CA8: variants seen among roughly 807,000 people sequenced by gnomAD.
CA8 encodes the protein carbonic anhydrase-related protein.
CA8 carries 22 observed loss-of-function variants against 41.4 expected under a neutral mutation model. That is an observed-to-expected ratio of 0.53 (90% CI 0.38 to 0.76). The LOEUF (loss-of-function observed/expected upper bound fraction) is 0.76, where lower values mean the gene tolerates loss of function less well. Among genes scored for constraint, CA8 ranks in the 30% least tolerant of loss-of-function variants. The pLI is 0.00. For missense variants in CA8, 270 were observed against 352.8 expected, an observed-to-expected ratio of 0.77 and a Z score of 1.88; for synonymous variants, 121 against 130.6, an observed-to-expected ratio of 0.93 and a Z score of 0.50.
At chr8:60,233,236 G>A (rs1393311533) in intron 3 of CA8, among the ~76,000 whole-genome samples, 2 of 152,084 alleles carry the variant, frequency 1.3e-5, no homozygotes, top group African/African-American at 4.8e-5. Context: ...GCCTTACAAC[G>A]TCGCCTTATT....
chr8:60,226,868 C>A lies in CA8; in HGVS notation c.576+5G>T. ...ATTTCTATATTATTTTAAATAATGACTTACCTTATACTGAATATCTTGGAG... is the reference window on the plus strand; with the variant it reads ...ATTTCTATATTATTTTAAATAATGAATTACCTTATACTGAATATCTTGGAG... On this transcript the variant is annotated splice_donor_5th_base_variant and intron_variant, in intron 5 of 8. Coordinates refer to ENST00000317995, the MANE Select transcript of CA8 (RefSeq NM_004056.6). 6.5e-7 allele frequency: 1 copy of A among 1,545,570 alleles called. No homozygotes were observed.
Position 60,219,937 on chromosome 8 carries a change from A to AAAAAAAAAAC in CA8, c.738+2711_738+2712insGTTTTTTTTT, listed in dbSNP as rs1807180825. ...TTTCCTAAATCTTAACTTAAAAAAA[A>AAAAAAAAAAC]AAAAAAAAAAAAAAAACACTTGACT... On this transcript the variant is annotated intron_variant, in intron 7 of 8. Transcript: ENST00000317995. 2.9e-5 allele frequency among the ~76,000 whole-genome samples: 3 copies of AAAAAAAAAAC among 102,308 alleles called. No individual in the cohort carries two copies. In the South Asian group the frequency reaches 8.8e-4, roughly 30 times the overall value. 67.1% of individuals were successfully genotyped at this position (102,308 alleles called of 152,430 possible). A position where few individuals can be genotyped will look rare whatever the true frequency, so the allele number is the denominator to read the frequency against.
intron 3 of CA8, among the ~76,000 whole-genome samples, chr8:60,243,207 C>T (rs758138737): frequency 1.3e-5 from 2 of 152,150 alleles, no homozygotes; most frequent in Non-Finnish European, 2.9e-5. Flanking sequence ...GGTCACCTGC[C>T]TCCCAGAGAA....
intron 2 of CA8, among the ~76,000 whole-genome samples, chr8:60,276,413 G>T (rs914665440): frequency 2.0e-5 from 3 of 152,164 alleles, no homozygotes; most frequent in African/African-American, 7.2e-5. Context: ...TGTCCTAAGA[G>T]AAGATCCGTC....
intron 8 of CA8, among the ~76,000 whole-genome samples, chr8:60,202,088 G>C (rs982887373): frequency 2.6e-5 from 4 of 150,984 alleles, no homozygotes; most frequent in African/African-American, 9.7e-5. Context: ...CTGTCGCCCA[G>C]GTTGGAGTGC....
At chr8:60,240,588 C>T (rs182204361) in intron 3 of CA8, among the ~76,000 whole-genome samples, 3 of 152,276 alleles carry the variant, frequency 2.0e-5, no homozygotes, top group Admixed American at 2.0e-4. Context: ...GACCTGTAAA[C>T]CACTTTCTAC....
intron 2 of CA8, among the ~76,000 whole-genome samples, chr8:60,272,800 T>C (rs982974840): frequency 6.6e-6 from 1 of 152,248 alleles, no homozygotes; most frequent in Non-Finnish European, 1.5e-5. Flanking sequence ...ATCCAAAGCA[T>C]GTAACTGTTT....
At chr8:60,245,777 G>T (rs897962205) in intron 3 of CA8, among the ~76,000 whole-genome samples, 2 of 152,104 alleles carry the variant, frequency 1.3e-5, no homozygotes, top group African/African-American at 4.8e-5. Flanking sequence ...GGTCAATTAG[G>T]AACAGGAAAG....
chr8:60,185,930 GA>G lies in CA8; in HGVS notation c.*4090del, dbSNP rs376927747. On this transcript the variant is annotated 3_prime_UTR_variant, in exon 9 of 9. Transcript: ENST00000317995. ...AAATGCATTTCTTCCTTCTCTTAAA[GA>G]GCAATTGTATAAAATATCATGTAAT... 6.1e-4 allele frequency among the ~76,000 whole-genome samples: 93 copies of G among 151,500 alleles called. No individual in the cohort carries two copies. Among genetic ancestry groups the G allele is most frequent in the Non-Finnish European group, 1.0e-3 (71 of 67,840 alleles).
chr8:60,215,382 C>T (rs1424959268), intron 7 of CA8, among the ~76,000 whole-genome samples: 3 of 149,736 alleles, frequency 2.0e-5, no homozygotes, highest in Non-Finnish European at 3.0e-5. Flanking sequence ...CACACACACA[C>T]ACCGGATCCC....
chr8:60,244,925 T>C (rs1004588091), intron 3 of CA8, among the ~76,000 whole-genome samples: 2 of 152,180 alleles, frequency 1.3e-5, no homozygotes, highest in African/African-American at 2.4e-5. Context: ...GAACGGTAGT[T>C]GGTCCAAGTC....
intron 8 of CA8, among the ~76,000 whole-genome samples, chr8:60,200,126 G>T (rs541574735): frequency 1.3e-5 from 2 of 152,296 alleles, no homozygotes; most frequent in South Asian, 4.1e-4. Context: ...AAAACCAGTA[G>T]GCCCCTTCTA....
intron 7 of CA8, among the ~76,000 whole-genome samples, chr8:60,214,241 C>T (rs1175282354): frequency 2.6e-5 from 4 of 152,230 alleles, no homozygotes; most frequent in Admixed American, 1.3e-4. Context: ...ATTATTCATT[C>T]GTCCTCATGT....
chr8:60,216,919 T>A (rs1461738432), intron 7 of CA8, among the ~76,000 whole-genome samples: 2 of 152,234 alleles, frequency 1.3e-5, no homozygotes, highest in Non-Finnish European at 2.9e-5. Context: ...GTTTCATTCT[T>A]GTTGCCCAGG....
chr8:60,218,574 TTAC>T (rs1453908522), intron 7 of CA8, among the ~76,000 whole-genome samples: 1 of 152,178 alleles, frequency 6.6e-6, no homozygotes, highest in Non-Finnish European at 1.5e-5. Context: ...CATAATTACC[TTAC>T]TACATCAATA....
Position 60,224,715 on chromosome 8 carries a change from T to TGG in CA8, c.577-132_577-131dup. ...GGCCTCATCAGGTCCCACAGACTTG[T>TGG]GGGTATCTCCTTCCACCTTCTCATT... On this transcript the variant is annotated intron_variant, in intron 5 of 8. Coordinates refer to ENST00000317995, the MANE Select transcript of CA8 (RefSeq NM_004056.6). 4 of 661,222 alleles carry TGG rather than the reference T, an allele frequency of 6.0e-6. No individual in the cohort carries two copies. In the South Asian group the frequency reaches 6.9e-5, roughly 11 times the overall value. The allele number at this position is 661,222 out of a possible 1,614,324, so 41.0% of individuals were successfully genotyped here.
In CA8 at chr8:60,190,957, T is replaced by TATATATATATATACACAC. The variant is rs1554573722; in HGVS notation, c.*36-973_*36-972insGTGTGTATATATATATAT. Among the ~76,000 whole-genome samples the TATATATATATATACACAC allele has an allele frequency of 4.1e-3, 427 of 104,208 alleles. 13 individuals are homozygous for TATATATATATATACACAC. The highest frequency in any genetic ancestry group is 7.1e-3 in the Non-Finnish European group (342 of 48,048). 68.4% of individuals were successfully genotyped at this position (104,208 alleles called of 152,430 possible). ...CACACACTATATATATATATATATA[T>TATATATATATATACACAC]ACACACACACATTTCTACATATGCA... On this transcript the variant is annotated intron_variant, in intron 8 of 8. Transcript: ENST00000317995.
intron 4 of CA8, 89 bp from the exon 5 acceptor site, chr8:60,227,024 G>T: frequency 1.1e-6 from 1 of 908,478 alleles, no homozygotes; most frequent in Non-Finnish European, 1.8e-6. Context: ...GAGTGTGGTG[G>T]CTCATGCCTG....
chr8:60,195,671 T>C (rs1197876499), intron 8 of CA8, among the ~76,000 whole-genome samples: 2 of 152,140 alleles, frequency 1.3e-5, no homozygotes, highest in African/African-American at 4.8e-5. Context: ...GTGTGTCTGA[T>C]TTACCCATGA....
Sources: gnomAD v4.1 joint callset for allele counts (sites outside exome capture counted in the v4.1 genomes callset) on GRCh38, gnomAD v4.1.1 for gene constraint, MANE v1.5 for transcripts, NCBI Gene and HGNC (gene_info 2026-07-23, HGNC 2026-07-21) for gene names.